The following ST18 variants were observed in gnomAD, a reference collection of about 807,000 sequenced individuals.
ST18 encodes ST18 C2H2C-type zinc finger transcription factor, also known as suppression of tumorigenicity 18 protein.
In ST18, 50 loss-of-function variants were observed where a neutral mutation model predicts 110.0. That is an observed-to-expected ratio of 0.45 (90% CI 0.36 to 0.58). The LOEUF is 0.58. Ranked by LOEUF, ST18 falls within the 20% of genes least tolerant of loss-of-function variation. The pLI is 0.00. For synonymous variants in ST18, 461 were observed against 452.4 expected, an observed-to-expected ratio of 1.02 and a Z score of -0.24; for missense variants, 1,306 against 1,280.1, an observed-to-expected ratio of 1.02 and a Z score of -0.31.
intron 2 of ST18, among the ~76,000 whole-genome samples, chr8:52,256,327 C>A (rs1353070842): frequency 6.6e-6 from 1 of 152,162 alleles, no homozygotes; most frequent in Non-Finnish European, 1.5e-5. Flanking sequence ...TACTCCAACG[C>A]AAGGACAAAT....
intron 2 of ST18, among the ~76,000 whole-genome samples, chr8:52,267,716 G>A (rs1265674996): frequency 6.6e-6 from 1 of 150,450 alleles, no homozygotes; most frequent in East Asian, 1.9e-4. Flanking sequence ...CAGAAAAAAT[G>A]TTAAGCACAG....
At chr8:52,136,547 C>T (rs779679577) in intron 19 of ST18, 43 bp downstream of exon 19, 7 of 1,570,378 alleles carry the variant, frequency 4.5e-6, no homozygotes, top group Non-Finnish European at 6.1e-6. Flanking sequence ...GAGGGTCCTA[C>T]CGTGTGGATG....
At chr8:52,361,744 A>G (rs896971807) in intron 2 of ST18, among the ~76,000 whole-genome samples, 14 of 152,232 alleles carry the variant, frequency 9.2e-5, no homozygotes, top group African/African-American at 3.1e-4. Flanking sequence ...AACATCTCTA[A>G]GAACAAATGT....
chr8:52,113,259 G>C lies in ST18; in HGVS notation c.3083C>G (p.Ser1028Cys), dbSNP rs1457393297. ...TTCCAGTAGAGCTTTGCATTCCGGG[G>C]AATAGTCCCGTTCCAGATTGCTGTA... Reference protein sequence around the residue: ...DMYSNLERDYSPECKALLESI... With the variant: ...DMYSNLERDYCPECKALLESI... Residue 1028 changes from serine (S) to cysteine (C), a missense_variant, in exon 26 of 26, where the codon TCC becomes TGC. Ser to Cys is a moderately radical substitution (Grantham distance 112). Coordinates refer to ENST00000689386, the MANE Select transcript of ST18 (RefSeq NM_001352837.2). The C allele has an allele frequency of 6.2e-7, 1 of 1,614,088 alleles. No individual in the cohort carries two copies. The highest frequency in any genetic ancestry group is 2.2e-5 in the East Asian group (1 of 44,882).
chr8:52,205,998 T>G (rs2079896093), intron 8 of ST18, among the ~76,000 whole-genome samples: 5 of 152,160 alleles, frequency 3.3e-5, no homozygotes, highest in Admixed American at 3.3e-4. Flanking sequence ...CCCCAAAGTG[T>G]GGATAGTAAA....
At chr8:52,328,049 T>A (rs1008373244) in intron 2 of ST18, among the ~76,000 whole-genome samples, 6 of 152,152 alleles carry the variant, frequency 3.9e-5, no homozygotes, top group Non-Finnish European at 8.8e-5. Context: ...TAATCTTAAC[T>A]CAAGAAACAA....
At chr8:52,147,476 C>T (rs192753862) in intron 16 of ST18, among the ~76,000 whole-genome samples, 1 of 152,108 alleles carries the variant, frequency 6.6e-6, no homozygotes, top group Non-Finnish European at 1.5e-5. Context: ...ACGCAAGACA[C>T]CCTAGATGAA....
At chr8:52,130,698 G>T (rs1166525203) in intron 22 of ST18, among the ~76,000 whole-genome samples, 1 of 152,076 alleles carries the variant, frequency 6.6e-6, no homozygotes, top group East Asian at 1.9e-4. Flanking sequence ...ACAGAGTATG[G>T]GAGTATCTGT....
intron 2 of ST18, among the ~76,000 whole-genome samples, chr8:52,248,281 A>G (rs1471039891): frequency 6.6e-6 from 1 of 152,206 alleles, no homozygotes; most frequent in Non-Finnish European, 1.5e-5. Flanking sequence ...ACTGATGATT[A>G]TGTCATGCCA....
At chr8:52,255,839 C>T (rs905398480) in intron 2 of ST18, among the ~76,000 whole-genome samples, 13 of 152,214 alleles carry the variant, frequency 8.5e-5, no homozygotes, top group African/African-American at 2.2e-4. Flanking sequence ...TCTCTACAGA[C>T]GAGGAACGTG....
intron 23 of ST18, among the ~76,000 whole-genome samples, chr8:52,120,785 G>A (rs919158616): frequency 6.6e-6 from 1 of 152,192 alleles, no homozygotes; most frequent in Non-Finnish European, 1.5e-5. Context: ...AGACAGAGCA[G>A]AAGCGAGGAG....
intron 2 of ST18, among the ~76,000 whole-genome samples, chr8:52,241,485 G>C (rs2093396656): frequency 6.6e-6 from 1 of 152,242 alleles, no homozygotes; most frequent in Middle Eastern, 3.2e-3. Context: ...TTCTGTCTTT[G>C]TAGAGGGTGC....
intron 2 of ST18, among the ~76,000 whole-genome samples, chr8:52,349,802 G>T (rs1331256529): frequency 6.6e-6 from 1 of 152,132 alleles, no homozygotes; most frequent in African/African-American, 2.4e-5. Context: ...AGACTGCAAA[G>T]GTGTGAGCAG....
intron 18 of ST18, among the ~76,000 whole-genome samples, chr8:52,136,912 G>A (rs902351791): frequency 1.3e-5 from 2 of 152,142 alleles, no homozygotes; most frequent in East Asian, 1.9e-4. Flanking sequence ...CAACTCTAAA[G>A]CTCAGGGATG....
In ST18 at chr8:52,348,462, G is replaced by A. The variant is rs144426933; in HGVS notation, c.-465+60866C>T. 7.2e-4 allele frequency among the ~76,000 whole-genome samples: 110 copies of A among 152,338 alleles called. No homozygotes were observed. The East Asian group carries it at 0.015, about 20-fold the overall frequency. On this transcript the variant is annotated intron_variant, in intron 2 of 25. Transcript: ENST00000689386. ...ATGTTTATCTGACAGATAAAACTGT[G>A]TATATTTCAGCTGGGTGCGGTGGCT...
rs188589752 is a variant in ST18, at chr8:52,147,366, A to G, written c.2052+2366T>C. Among the ~76,000 whole-genome samples the G allele has an allele frequency of 7.2e-5, 11 of 152,312 alleles. No homozygotes were observed. The East Asian group carries it at 1.9e-3, about 27-fold the overall frequency. On this transcript the variant is annotated intron_variant, in intron 16 of 25. Transcript: ENST00000689386. ...TTTTCTGGCTTTCTGGGTGATAAGA[A>G]CTGTGGCTAAGGAAGTGATAGGAAT... is the stretch of plus-strand genomic sequence containing the variant.
In ST18 at chr8:52,161,706, C is replaced by T. The variant is rs1030798844; in HGVS notation, c.1401-138G>A. ...ACACTGAACAATAAGAGAGACGGGGCCATGGCAGGACAGAGCAGCATGCTC... is the reference window on the plus strand; with the variant it reads ...ACACTGAACAATAAGAGAGACGGGGTCATGGCAGGACAGAGCAGCATGCTC... On this transcript the variant is annotated intron_variant, in intron 13 of 25. Coordinates refer to ENST00000689386, the MANE Select transcript of ST18 (RefSeq NM_001352837.2). 3.0e-6 allele frequency: 3 copies of T among 992,364 alleles called. No homozygotes were observed. In the South Asian group the frequency reaches 5.1e-5, roughly 17 times the overall value. The allele number at this position is 992,364 out of a possible 1,614,324, so 61.5% of individuals were successfully genotyped here.
At chr8:52,223,942 CT>C (rs996889980) in intron 3 of ST18, among the ~76,000 whole-genome samples, 39 of 152,028 alleles carry the variant, frequency 2.6e-4, no homozygotes, top group African/African-American at 9.4e-4. Context: ...CTGAGATTTG[CT>C]TTTTTTAATA....
rs991586880 is a variant in ST18 at position 52,396,428 on chromosome 8, G to A, written c.-465+12900C>T. 7.2e-5 allele frequency among the ~76,000 whole-genome samples: 11 copies of A among 152,056 alleles called. 1 individual carries two copies. Among genetic ancestry groups the A allele is most frequent in the Admixed American group, 3.9e-4 (6 of 15,268 alleles). On this transcript the variant is annotated intron_variant, in intron 2 of 25. Transcript: ENST00000689386. ...TAATGTCCTCCAGCTTTATCCATGT[G>A]GTGGCAAATGGCAGGATCCTTTGTA...
Sources: allele counts gnomAD v4.1 joint callset (sites outside exome capture counted in the v4.1 genomes callset), GRCh38; gene constraint gnomAD v4.1.1; transcripts MANE v1.5; gene names NCBI Gene and HGNC (gene_info 2026-07-23, HGNC 2026-07-21).